CERS6: variants seen among roughly 807,000 people sequenced by gnomAD.
CERS6 encodes ceramide synthase 6.
A neutral mutation model predicts 56.8 loss-of-function variants in CERS6; 26 were observed. The observed-to-expected ratio is 0.46, with a 90% CI of 0.34 to 0.63. CERS6 has a LOEUF of 0.63. Among genes scored for constraint, CERS6 ranks in the 30% least tolerant of loss-of-function variants. The pLI, the probability that CERS6 is intolerant of heterozygous loss-of-function variation, is 0.01. For missense variants in CERS6, 415 were observed against 467.5 expected (o/e 0.89, Z 1.04); for synonymous variants, 164 against 173.3 (o/e 0.95, Z 0.42).
At chr2:168,495,253 T>A (rs147376998) in intron 1 of CERS6, among the ~76,000 whole-genome samples, 193 of 152,232 alleles carry the variant, frequency 1.3e-3, no homozygotes, top group African/African-American at 4.5e-3. Flanking sequence ...CGGTGAGGAG[T>A]ATGTTAAAAA....
At chr2:168,595,740 A>C (rs1196116634) in intron 3 of CERS6, among the ~76,000 whole-genome samples, 1 of 152,238 alleles carries the variant, frequency 6.6e-6, no homozygotes, top group Admixed American at 6.5e-5. Flanking sequence ...ATCAAATAAC[A>C]TCTAATGTTT....
chr2:168,457,493 C>G (rs1693693907), intron 1 of CERS6, among the ~76,000 whole-genome samples: 1 of 152,118 alleles, frequency 6.6e-6, no homozygotes, highest in Non-Finnish European at 1.5e-5. Flanking sequence ...ATTGTGCCTG[C>G]CATGCATTCT....
chr2:168,466,344 C>A (rs1693877052), intron 1 of CERS6, among the ~76,000 whole-genome samples: 1 of 152,160 alleles, frequency 6.6e-6, no homozygotes, highest in African/African-American at 2.4e-5. Context: ...CCATTTAAAG[C>A]AAACCAGGAT....
intron 1 of CERS6, among the ~76,000 whole-genome samples, chr2:168,489,471 A>AT (rs77499015): frequency 0.06 from 8,109 of 135,092 alleles, 323 homozygotes; most frequent in East Asian, 0.19. Flanking sequence ...TTCTCCACCA[A>AT]TTTTTTTTTT....
chr2:168,567,577 T>C (rs1429695952), intron 3 of CERS6, among the ~76,000 whole-genome samples: 2 of 152,250 alleles, frequency 1.3e-5, no homozygotes, highest in Non-Finnish European at 2.9e-5. Flanking sequence ...AAAGCTATTC[T>C]TAACCCATGG....
intron 8 of CERS6, among the ~76,000 whole-genome samples, chr2:168,757,621 CCTGTAATCCCAACA>C (rs1559082674): frequency 6.6e-6 from 1 of 152,146 alleles, no homozygotes; most frequent in Non-Finnish European, 1.5e-5. Flanking sequence ...GTGGCTCATG[CCTGTAATCCCAACA>C]CTTTAGGAGG....
chr2:168,621,473 T>A (rs1684470204), intron 3 of CERS6, among the ~76,000 whole-genome samples: 1 of 152,232 alleles, frequency 6.6e-6, no homozygotes, highest in Non-Finnish European at 1.5e-5. Flanking sequence ...TAGTGTATAT[T>A]CAGGGGAATT....
At chr2:168,746,817 AT>A (rs1684117710) in intron 8 of CERS6, among the ~76,000 whole-genome samples, 3 of 107,108 alleles carry the variant, frequency 2.8e-5, no homozygotes, top group African/African-American at 7.4e-5. Context: ...ATATATATAT[AT>A]ATAAAATCAT....
At chr2:168,553,052 A>G (rs1205542202) in intron 2 of CERS6, among the ~76,000 whole-genome samples, 1 of 152,180 alleles carries the variant, frequency 6.6e-6, no homozygotes, top group Non-Finnish European at 1.5e-5. Flanking sequence ...AGGAGGTGGA[A>G]TGTGAGCTGG....
chr2:168,765,654 T>C lies in CERS6; in HGVS notation c.908T>C (p.Val303Ala). ...EIVGPYPSWW[V>A]FNLLLLLVQG... ...GTTGGACCTTACCCTTCCTGGTGGGTTTTTAACCTACTGCTATTGCTAGTA... is the reference window on the plus strand; with the variant it reads ...GTTGGACCTTACCCTTCCTGGTGGGCTTTTAACCTACTGCTATTGCTAGTA... Residue 303 changes from valine (V) to alanine (A), a missense_variant, in exon 9 of 10, where the codon GTT (valine) becomes GCT (alanine). Transcript: ENST00000305747. 1 of 1,614,110 alleles carries C rather than the reference T, an allele frequency of 6.2e-7. No homozygotes were observed. Among genetic ancestry groups the C allele is most frequent in the East Asian group, 2.2e-5 (1 of 44,868 alleles).
rs142977568 is a variant in CERS6, at chr2:168,747,227, A to G, written c.846-18365A>G. 8.7e-4 allele frequency among the ~76,000 whole-genome samples: 133 copies of G among 152,164 alleles called. 1 individual carries two copies. The East Asian group carries it at 0.01, about 12-fold the overall frequency. ...CTTGAGCCCAGGAGGTGGAGGATTC[A>G]GTGAGCCATGATTGCACCACTGCAC... On this transcript the variant is annotated intron_variant, in intron 8 of 9. Coordinates refer to ENST00000305747, the MANE Select transcript of CERS6 (RefSeq NM_203463.3).
At chr2:168,683,706 A>C (rs1282432062) in intron 4 of CERS6, among the ~76,000 whole-genome samples, 1 of 152,084 alleles carries the variant, frequency 6.6e-6, no homozygotes, top group African/African-American at 2.4e-5. Flanking sequence ...TAAACATGGA[A>C]TTGATTGGTC....
chr2:168,504,563 C>G (rs1040505891), intron 1 of CERS6, among the ~76,000 whole-genome samples: 1 of 152,076 alleles, frequency 6.6e-6, no homozygotes, highest in Admixed American at 6.6e-5. Flanking sequence ...CCTGGGTTGA[C>G]AGGGATGCTG....
At chr2:168,702,834 A>G (rs1686838022) in intron 6 of CERS6, among the ~76,000 whole-genome samples, 1 of 152,254 alleles carries the variant, frequency 6.6e-6, no homozygotes, top group African/African-American at 2.4e-5. Flanking sequence ...TGAAAGTACT[A>G]TTAAGGTACT....
At chr2:168,616,164 A>C (rs1425438754) in intron 3 of CERS6, among the ~76,000 whole-genome samples, 1 of 152,220 alleles carries the variant, frequency 6.6e-6, no homozygotes, top group Non-Finnish European at 1.5e-5. Flanking sequence ...TCGGTCAAAC[A>C]AATCCTGAGA....
rs148683635 is a variant in CERS6, at chr2:168,515,486, G to A, written c.171-32110G>A. ...AGAACATTTGAATTCTCATCACCAA[G>A]TGGGGAGGGGAATTGATGTGGAAAG... On this transcript the variant is annotated intron_variant, in intron 1 of 9. Transcript: ENST00000305747. Among the ~76,000 whole-genome samples the A allele has an allele frequency of 9.6e-3, 1,464 of 152,228 alleles. 6 individuals carry two copies. Among genetic ancestry groups the A allele is most frequent in the Admixed American group, 0.015 (232 of 15,288 alleles).
At chr2:168,458,760 A>G (rs1477923845) in intron 1 of CERS6, among the ~76,000 whole-genome samples, 3 of 152,236 alleles carry the variant, frequency 2.0e-5, no homozygotes, top group Admixed American at 6.5e-5. Context: ...CTTTTGGAAG[A>G]CTATCTACTT....
intron 8 of CERS6, among the ~76,000 whole-genome samples, chr2:168,734,557 C>T (rs138605919): frequency 7.0e-4 from 107 of 152,342 alleles, no homozygotes; most frequent in African/African-American, 2.4e-3. Flanking sequence ...GACACGCACA[C>T]ACACACATGC....
At chr2:168,480,462 T>C (rs1019597044) in intron 1 of CERS6, among the ~76,000 whole-genome samples, 71 of 152,296 alleles carry the variant, frequency 4.7e-4, no homozygotes, top group African/African-American at 1.7e-3. Flanking sequence ...AACCTCTTAA[T>C]GTTAGAGATG....
Sources: allele counts gnomAD v4.1 joint callset (sites outside exome capture counted in the v4.1 genomes callset), GRCh38; gene constraint gnomAD v4.1.1; transcripts MANE v1.5; gene names NCBI Gene and HGNC (gene_info 2026-07-23, HGNC 2026-07-21).